The following USP9X variants were observed in gnomAD, a reference collection of about 807,000 sequenced individuals.
USP9X encodes ubiquitin specific peptidase 9 X-linked.
Under a neutral mutation model 190.3 loss-of-function variants are expected in USP9X, and 7 were observed. The observed-to-expected ratio is 0.04, with a 90% CI of 0.02 to 0.07. The LOEUF (loss-of-function observed/expected upper bound fraction) is 0.07. Ranked by LOEUF, USP9X falls within the 10% of genes least tolerant of loss-of-function variation. The pLI is 1.00. For missense variants in USP9X, 1,010 were observed against 1,916.9 expected (o/e 0.53, Z 8.83); for synonymous variants, 645 against 659.5 (o/e 0.98, Z 0.34).
At chrX:41,181,435 CTTTTTTTTTTTTTTT>C (rs200403625) in intron 21 of USP9X, among the ~76,000 whole-genome samples, 49 of 38,576 alleles carry the variant, frequency 1.3e-3, no homozygotes, top group African/African-American at 3.9e-3. Context: ...CCACACCTGA[CTTTTTTTTTTTTTTT>C]TTTTTTTTTT....
intron 1 of USP9X, among the ~76,000 whole-genome samples, chrX:41,104,802 A>G (rs749136758): frequency 3.6e-5 from 4 of 111,380 alleles, no homozygotes; most frequent in African/African-American, 1.3e-4. Flanking sequence ...GAAAAAAAAA[A>G]GATACCTGGA....
intron 33 of USP9X, among the ~76,000 whole-genome samples, chrX:41,214,320 C>T (rs1375736932): frequency 9.0e-6 from 1 of 111,464 alleles, no homozygotes; most frequent in Non-Finnish European, 1.9e-5. Flanking sequence ...TAATCTTGAT[C>T]AAGTTAACTT....
chrX:41,178,703 T>G (rs1456794218), intron 21 of USP9X, among the ~76,000 whole-genome samples: 4 of 111,921 alleles, frequency 3.6e-5, no homozygotes, highest in Non-Finnish European at 7.5e-5. Flanking sequence ...GGGTAGAAGC[T>G]TTTTAGTTTA....
intron 1 of USP9X, among the ~76,000 whole-genome samples, chrX:41,118,215 A>G (rs1050094418): frequency 2.7e-5 from 3 of 111,266 alleles, no homozygotes; most frequent in Non-Finnish European, 5.7e-5. Flanking sequence ...ACATTGTGGG[A>G]TGCTTACCAT....
chrX:41,132,710 A>G (rs191587716), intron 4 of USP9X, among the ~76,000 whole-genome samples: 1 of 109,559 alleles, frequency 9.1e-6, no homozygotes, highest in African/African-American at 3.3e-5. Flanking sequence ...TGGCCTTCCA[A>G]AGTGCTGGGA....
At chrX:41,185,337 A>T (rs771819114) in intron 23 of USP9X, among the ~76,000 whole-genome samples, 23 of 111,857 alleles carry the variant, frequency 2.1e-4, no homozygotes, top group Non-Finnish European at 3.9e-4. Flanking sequence ...TTTAGCTATG[A>T]TAATACTGTG....
intron 1 of USP9X, 141 bp downstream of exon 1, chrX:41,086,250 T>G: frequency 7.9e-5 from 19 of 239,014 alleles, no homozygotes; most frequent in Non-Finnish European, 1.1e-4. Flanking sequence ...GGCTTCCCCG[T>G]TCCCCCTCCT....
chrX:41,210,747 T>C, intron 33 of USP9X, 65 bp downstream of exon 33: 2 of 1,051,468 alleles, frequency 1.9e-6, no homozygotes, highest in Non-Finnish European at 1.3e-6. Flanking sequence ...AAATAAAATT[T>C]TTACTAGTAC....
Position 41,197,352 on chromosome X carries a change from C to CCCCCCCCGGG in USP9X, c.4234-12_4234-11insCCCCCCCGGG. On this transcript the variant is annotated splice_polypyrimidine_tract_variant and intron_variant, in intron 28 of 44. Transcript: ENST00000378308. Reference sequence around the variant, plus strand: ...TTCTTCCCCCCCCCACCCCACCCCCCGCCTTTGGCAGGATGATGTTAAAAG... The same window carrying CCCCCCCCGGG: ...TTCTTCCCCCCCCCACCCCACCCCCCCCCCCCCGGGGCCTTTGGCAGGATGATGTTAAAAG... 1.0e-6 allele frequency: 1 copy of CCCCCCCCGGG among 988,230 alleles called. No individual in the cohort carries two copies. The highest frequency in any genetic ancestry group is 1.3e-6 in the Non-Finnish European group (1 of 759,397). The allele number at this position is 988,230 out of a possible 1,213,427, so 81.4% of individuals were successfully genotyped here.
At chrX:41,115,036 C>T (rs1260303122) in intron 1 of USP9X, among the ~76,000 whole-genome samples, 2 of 107,775 alleles carry the variant, frequency 1.9e-5, no homozygotes, top group African/African-American at 6.7e-5. Context: ...GCCTGGCCAA[C>T]ATAGTGAAAA....
At chrX:41,124,657 C>T (rs1337127964) in intron 2 of USP9X, among the ~76,000 whole-genome samples, 3 of 111,503 alleles carry the variant, frequency 2.7e-5, no homozygotes, top group Non-Finnish European at 5.7e-5. Flanking sequence ...TAAATCATGA[C>T]ACCACTTTCT....
At chrX:41,215,794 A>G in intron 34 of USP9X, 105 bp from the exon 35 acceptor site, 3 of 841,053 alleles carry the variant, frequency 3.6e-6, no homozygotes, top group East Asian at 3.3e-5. Flanking sequence ...TTATACTTAA[A>G]AATTCAGATA....
rs1473819982 is a variant in USP9X, at chrX:41,236,394, A to G, written c.*3870A>G. ...TATAGGTGTAAGAGAAGCGGGGGCA[A>G]GGTGCACCACATTTTAAAACTGCAA... On this transcript the variant is annotated 3_prime_UTR_variant, in exon 45 of 45. Coordinates refer to ENST00000378308, the MANE Select transcript of USP9X (RefSeq NM_001039591.3). 1 of 111,850 alleles carries G rather than the reference A, an allele frequency of 8.9e-6. No homozygotes were observed. Among genetic ancestry groups the G allele is most frequent in the Non-Finnish European group, 1.9e-5 (1 of 53,091 alleles). The allele number at this position is 111,850 out of a possible 1,213,427, so 9.2% of individuals were successfully genotyped here.
chrX:41,206,208 A>G (rs781134748), intron 32 of USP9X, among the ~76,000 whole-genome samples: 47 of 111,629 alleles, frequency 4.2e-4, no homozygotes, highest in Admixed American at 1.3e-3. Flanking sequence ...ATTTCTTTCT[A>G]GATTGTTTTG....
chrX:41,207,196 C>T (rs1417155330), intron 32 of USP9X, among the ~76,000 whole-genome samples: 1 of 97,901 alleles, frequency 1.0e-5, no homozygotes, highest in Non-Finnish European at 2.0e-5. Flanking sequence ...TCAAGCAATT[C>T]TTCAGCCTCA....
chrX:41,196,681 T>C lies in USP9X; in HGVS notation c.4176T>C (p.Asn1392=), dbSNP rs6532. The change falls in exon 28 of 45, where the codon AAT becomes AAC. Residue 1392 remains asparagine (N), a synonymous_variant. Transcript: ENST00000378308. ...LLNYAYNSNI[N]VPNAEVLLNN... is the part of the protein sequence containing the mutation. Reference sequence around the variant, plus strand: ...ATTACGCTTACAATAGTAATATTAATGTACCCAATGCTGAAGTTCTTCTCA... The same window carrying C: ...ATTACGCTTACAATAGTAATATTAACGTACCCAATGCTGAAGTTCTTCTCA... The C allele has an allele frequency of 2.5e-6, 3 of 1,201,270 alleles. No individual in the cohort carries two copies. Among genetic ancestry groups the C allele is most frequent in the Middle Eastern group, 2.3e-4 (1 of 4,344 alleles).
chrX:41,157,219 A>G, intron 14 of USP9X, among the ~76,000 whole-genome samples: 1 of 111,635 alleles, frequency 9.0e-6, no homozygotes, highest in Admixed American at 9.5e-5. Flanking sequence ...TGAAAATTAC[A>G]TGTATCCCTG....
chrX:41,148,386 G>C lies in USP9X; in HGVS notation c.1437G>C (p.Ala479=). The change falls in exon 12 of 45, where the codon GCG becomes GCC. Residue 479 remains alanine, a synonymous_variant. Coordinates refer to ENST00000378308, the MANE Select transcript of USP9X (RefSeq NM_001039591.3). ...TTTTCTAGGCCAGTTGGACAAATGC[G>C]AGTAAAAAGCAACGTGAAAAGCTAC... The part of the protein sequence containing the change: ...FDCFKASWTN[A]SKKQREKLLE... 8.3e-7 allele frequency: 1 copy of C among 1,211,476 alleles called. No individual in the cohort carries two copies. Among genetic ancestry groups the C allele is most frequent in the African/African-American group, 1.7e-5 (1 of 57,735 alleles).
intron 23 of USP9X, among the ~76,000 whole-genome samples, chrX:41,185,072 C>T (rs2062861534): frequency 8.9e-6 from 1 of 112,208 alleles, no homozygotes; most frequent in East Asian, 2.8e-4. Context: ...GACTCGGTTT[C>T]TGCCTTGGTG....
Sources: gnomAD v4.1 joint callset for allele counts (sites outside exome capture counted in the v4.1 genomes callset) on GRCh38, gnomAD v4.1.1 for gene constraint, MANE v1.5 for transcripts, NCBI Gene and HGNC (gene_info 2026-07-23, HGNC 2026-07-21) for gene names.